The following ZRANB3 variants were observed in gnomAD, a reference collection of about 807,000 sequenced individuals.
ZRANB3 encodes DNA annealing helicase and endonuclease ZRANB3.
Under a neutral mutation model 133.8 loss-of-function variants are expected in ZRANB3, and 125 were observed. The observed-to-expected ratio is 0.93, with a 90% confidence interval of 0.81 to 1.08. The LOEUF is 1.08. Among genes scored for constraint, ZRANB3 ranks in the 50% least tolerant of loss-of-function variants. The probability of loss-of-function intolerance (pLI) is 0.00; values close to 1 mark genes in which losing one functional copy is unlikely to be tolerated. For missense variants in ZRANB3, 1,229 were observed against 1,275.5 expected, an observed-to-expected ratio of 0.96 and a Z score of 0.56; for synonymous variants, 387 against 432.7, an observed-to-expected ratio of 0.89 and a Z score of 1.31.
At chr2:135,498,199 A>G (rs1692768579) in intron 2 of ZRANB3, among the ~76,000 whole-genome samples, 1 of 152,244 alleles carries the variant, frequency 6.6e-6, no homozygotes, top group Non-Finnish European at 1.5e-5. Context: ...TTTTAGAGGA[A>G]AACACAGGAA....
intron 3 of ZRANB3, among the ~76,000 whole-genome samples, chr2:135,354,241 T>C (rs1053715694): frequency 4.6e-5 from 7 of 152,196 alleles, no homozygotes; most frequent in South Asian, 4.1e-4. Context: ...TCTTAGACTA[T>C]AGTAAATGTC....
chr2:135,321,430 A>C (rs747888480), intron 6 of ZRANB3, among the ~76,000 whole-genome samples: 6 of 150,098 alleles, frequency 4.0e-5, no homozygotes, highest in African/African-American at 1.5e-4. Context: ...AAATCTTTTA[A>C]CTGTTTTTAA....
At chr2:135,396,371 T>C (rs937665756) in intron 2 of ZRANB3, among the ~76,000 whole-genome samples, 25 of 152,170 alleles carry the variant, frequency 1.6e-4, no homozygotes, top group African/African-American at 4.8e-4. Flanking sequence ...CCCATGTTTA[T>C]TGCAGCACTA....
At chr2:135,238,529 A>G (rs1186059662) in intron 12 of ZRANB3, among the ~76,000 whole-genome samples, 2 of 151,630 alleles carry the variant, frequency 1.3e-5, no homozygotes, top group South Asian at 2.1e-4. Flanking sequence ...ACGCCCAGCT[A>G]ATTTTTGTAT....
At chr2:135,529,693 T>C (rs1694351131) in intron 1 of ZRANB3, among the ~76,000 whole-genome samples, 1 of 151,758 alleles carries the variant, frequency 6.6e-6, no homozygotes, top group Non-Finnish European at 1.5e-5. Context: ...GTGTGAGTTT[T>C]TAGCAGACAC....
chr2:135,208,910 C>A lies in ZRANB3; in HGVS notation c.2564G>T (p.Arg855Leu). The A allele has an allele frequency of 6.2e-7, 1 of 1,613,968 alleles. No homozygotes were observed. The highest frequency in any genetic ancestry group is 1.1e-5 in the South Asian group (1 of 91,078). Reference protein sequence around the residue: ...DKVKNVGGHVRLITKESRPRD... With the variant: ...DKVKNVGGHVLLITKESRPRD... ...TGGCCTGGACTCCTTTGTGATCAGA[C>A]GGACATGGCCCCCAACATTCTTCAC... Residue 855 changes from arginine (R) to leucine (L), a missense_variant, in exon 18 of 21, where the codon CGT becomes CTT. Coordinates refer to ENST00000264159, the MANE Select transcript of ZRANB3 (RefSeq NM_032143.4).
At chr2:135,236,782 A>G (rs1361863888) in intron 12 of ZRANB3, among the ~76,000 whole-genome samples, 1 of 152,230 alleles carries the variant, frequency 6.6e-6, no homozygotes, top group Non-Finnish European at 1.5e-5. Context: ...TTATACAAAA[A>G]TTAATTCAAG....
chr2:135,428,927 C>T (rs1245051874), intron 2 of ZRANB3, among the ~76,000 whole-genome samples: 1 of 152,176 alleles, frequency 6.6e-6, no homozygotes, highest in Non-Finnish European at 1.5e-5. Flanking sequence ...TATTTATACA[C>T]CGCTTGTGGG....
intron 2 of ZRANB3, among the ~76,000 whole-genome samples, chr2:135,488,132 G>A (rs1464037759): frequency 6.6e-6 from 1 of 152,126 alleles, no homozygotes; most frequent in African/African-American, 2.4e-5. Flanking sequence ...TGTGGAGAGG[G>A]AAAGAGAGGA....
rs188716147 is a variant in ZRANB3 at position 135,321,134 on chromosome 2, A to G, written c.678-5604T>C. Among the ~76,000 whole-genome samples the G allele has an allele frequency of 2.7e-4, 41 of 152,326 alleles. 2 individuals are homozygous for G. The highest frequency in any genetic ancestry group is 2.7e-3 in the Admixed American group (41 of 15,304). On this transcript the variant is annotated intron_variant, in intron 6 of 20. Transcript: ENST00000264159. ...GCTGCATACAGATTTCTGAGTGAAC[A>G]TATGTTTTCATTTATCTTTACTAAA...
intron 8 of ZRANB3, among the ~76,000 whole-genome samples, chr2:135,310,235 C>G (rs1171847131): frequency 6.6e-6 from 1 of 152,114 alleles, no homozygotes; most frequent in Admixed American, 6.5e-5. Flanking sequence ...CCGTGCCTGG[C>G]CTTCAAGACT....
At chr2:135,354,545 C>T (rs1440179824) in intron 3 of ZRANB3, among the ~76,000 whole-genome samples, 1 of 152,100 alleles carries the variant, frequency 6.6e-6, no homozygotes, top group Non-Finnish European at 1.5e-5. Flanking sequence ...TTCACCTGTG[C>T]ATGAATAATC....
chr2:135,352,716 T>A (rs1573961577), intron 4 of ZRANB3, among the ~76,000 whole-genome samples: 2 of 152,194 alleles, frequency 1.3e-5, no homozygotes, highest in Admixed American at 1.3e-4. Flanking sequence ...TACCAAAATT[T>A]AAAAATCTAA....
At chr2:135,482,664 A>G (rs1038968706) in intron 2 of ZRANB3, among the ~76,000 whole-genome samples, 25 of 152,130 alleles carry the variant, frequency 1.6e-4, no homozygotes, top group African/African-American at 5.3e-4. Context: ...TTGAATAGGA[A>G]TGGTGAGAGA....
chr2:135,381,218 C>A (rs531746252), intron 3 of ZRANB3, among the ~76,000 whole-genome samples: 2 of 152,176 alleles, frequency 1.3e-5, no homozygotes, highest in Non-Finnish European at 2.9e-5. Context: ...ATGCCTGGCT[C>A]GCAGGGTCCT....
intron 1 of ZRANB3, among the ~76,000 whole-genome samples, chr2:135,530,098 G>A (rs543870855): frequency 1.9e-3 from 294 of 151,182 alleles, no homozygotes; most frequent in Admixed American, 3.3e-3. Flanking sequence ...TGAGTGGCGC[G>A]CGCCTGTAAT....
Position 135,341,396 on chromosome 2 carries a change from T to C in ZRANB3, c.677+4154A>G, listed in dbSNP as rs903170810. Reference sequence around the variant, plus strand: ...CAATACTCTTATAATTTCCTATCCTTGTGTTTACTTTAATCTCTTAATCCC... The same window carrying C: ...CAATACTCTTATAATTTCCTATCCTCGTGTTTACTTTAATCTCTTAATCCC... On this transcript the variant is annotated intron_variant, in intron 6 of 20. Transcript: ENST00000264159. Among the ~76,000 whole-genome samples, 8 of 150,042 alleles carry C rather than the reference T, an allele frequency of 5.3e-5. 1 individual carries two copies. Among genetic ancestry groups the C allele is most frequent in the African/African-American group, 2.0e-4 (8 of 39,354 alleles).
chr2:135,256,863 C>T (rs1360576365), intron 12 of ZRANB3, among the ~76,000 whole-genome samples: 1 of 152,184 alleles, frequency 6.6e-6, no homozygotes, highest in Non-Finnish European at 1.5e-5. Context: ...ATAAAGAAGC[C>T]AGCCAAGACC....
At chr2:135,293,684 G>C (rs972975078) in intron 8 of ZRANB3, among the ~76,000 whole-genome samples, 2 of 151,166 alleles carry the variant, frequency 1.3e-5, no homozygotes, top group African/African-American at 2.4e-5. Context: ...AGTTTTCAAA[G>C]GGAATGCTTC....
Sources: gnomAD v4.1 joint callset for allele counts (sites outside exome capture counted in the v4.1 genomes callset) on GRCh38, gnomAD v4.1.1 for gene constraint, MANE v1.5 for transcripts, NCBI Gene and HGNC (gene_info 2026-07-23, HGNC 2026-07-21) for gene names.